IMMP2L: variants seen among roughly 807,000 people sequenced by gnomAD.
IMMP2L encodes inner mitochondrial membrane peptidase subunit 2.
IMMP2L carries 18 observed loss-of-function variants against 19.3 expected under a neutral mutation model. That is an observed-to-expected ratio of 0.93 (90% confidence interval 0.64 to 1.38). The LOEUF (loss-of-function observed/expected upper bound fraction) is 1.38, where lower values mean the gene tolerates loss of function less well. Among genes scored for constraint, IMMP2L ranks in the 40% most tolerant of loss-of-function variants. IMMP2L has a pLI of 0.00. For synonymous variants in IMMP2L, 76 were observed against 73.0 expected (o/e 1.04, Z -0.21); for missense variants, 233 against 218.2 (o/e 1.07, Z -0.43).
chr7:110,968,502 C>A (rs1379528670), intron 3 of IMMP2L, among the ~76,000 whole-genome samples: 1 of 151,880 alleles, frequency 6.6e-6, no homozygotes. Context: ...GGTGAAACCC[C>A]GTCTCTACAA....
chr7:110,950,583 C>A (rs776962290), intron 4 of IMMP2L, among the ~76,000 whole-genome samples: 3 of 151,322 alleles, frequency 2.0e-5, no homozygotes, highest in Non-Finnish European at 4.4e-5. Flanking sequence ...GGATATATAT[C>A]CAAAAAAATT....
intron 4 of IMMP2L, among the ~76,000 whole-genome samples, chr7:110,887,830 G>A (rs1445349287): frequency 6.6e-6 from 1 of 151,642 alleles, no homozygotes; most frequent in African/African-American, 2.4e-5. Context: ...CTGAATGAAG[G>A]AATGAATAAA....
intron 5 of IMMP2L, among the ~76,000 whole-genome samples, chr7:110,684,177 G>A (rs1323461045): frequency 6.6e-6 from 1 of 152,090 alleles, no homozygotes; most frequent in Non-Finnish European, 1.5e-5. Context: ...CCATAAACCA[G>A]AAGAAATTCC....
At chr7:111,138,329 G>T (rs1802542751) in intron 3 of IMMP2L, among the ~76,000 whole-genome samples, 1 of 152,046 alleles carries the variant, frequency 6.6e-6, no homozygotes, top group African/African-American at 2.4e-5. Context: ...GCAAAACTAG[G>T]GTGACAGCTC....
rs978452780 is a variant in IMMP2L, at chr7:111,369,441, T to G, written c.239+117797A>C. Among the ~76,000 whole-genome samples, 3 of 151,938 alleles carry G rather than the reference T, an allele frequency of 2.0e-5. No individual in the cohort carries two copies. The Admixed American group carries it at 2.0e-4, about 10-fold the overall frequency. On this transcript the variant is annotated intron_variant, in intron 3 of 5. Coordinates refer to ENST00000405709, the MANE Select transcript of IMMP2L (RefSeq NM_032549.4). The stretch of plus-strand genomic sequence containing the variant: ...CATAATAGTACTAGGATTTCAATTT[T>G]CATGAAAGGGCTAAAATTACTCGTG...
intron 3 of IMMP2L, among the ~76,000 whole-genome samples, chr7:111,088,460 T>G (rs767299308): frequency 2.7e-4 from 40 of 147,432 alleles, no homozygotes; most frequent in Non-Finnish European, 5.0e-4. Context: ...TAAAAAAAAA[T>G]GAAGGGAGAG....
In IMMP2L at chr7:111,383,032, C is replaced by CA. The variant is rs374675188; in HGVS notation, c.239+104205dup. 1.7e-3 allele frequency among the ~76,000 whole-genome samples: 251 copies of CA among 152,040 alleles called. 1 individual carries two copies. The highest frequency in any genetic ancestry group is 5.7e-3 in the African/African-American group (237 of 41,486). On this transcript the variant is annotated intron_variant, in intron 3 of 5. Coordinates refer to ENST00000405709, the MANE Select transcript of IMMP2L (RefSeq NM_032549.4). The stretch of plus-strand genomic sequence containing the variant: ...GGCCAGTCATCTATACTCTACTACA[C>CA]AAAAAATAAACCTGTGAGAAATGAT...
At chr7:110,903,674 G>C (rs1563068972) in intron 4 of IMMP2L, among the ~76,000 whole-genome samples, 1 of 151,954 alleles carries the variant, frequency 6.6e-6, no homozygotes, top group Non-Finnish European at 1.5e-5. Context: ...CATCTGGGTT[G>C]TTTCTATATG....
At chr7:111,126,137 T>C (rs937758525) in intron 3 of IMMP2L, among the ~76,000 whole-genome samples, 2 of 152,116 alleles carry the variant, frequency 1.3e-5, no homozygotes, top group African/African-American at 4.8e-5. Context: ...CTGCTTGCTT[T>C]GCAGAAACTA....
intron 2 of IMMP2L, among the ~76,000 whole-genome samples, chr7:111,503,485 C>T (rs1360443180): frequency 5.9e-5 from 9 of 152,064 alleles, no homozygotes; most frequent in Admixed American, 1.3e-4. Flanking sequence ...CCAGCATCAT[C>T]CTGATACCAA....
chr7:111,522,595 T>A (rs889336045), intron 1 of IMMP2L, among the ~76,000 whole-genome samples: 1 of 151,940 alleles, frequency 6.6e-6, no homozygotes, highest in African/African-American at 2.4e-5. Context: ...ACCACATGGA[T>A]ATCATTCCAC....
intron 4 of IMMP2L, among the ~76,000 whole-genome samples, chr7:110,961,544 G>A (rs960496584): frequency 6.6e-6 from 1 of 151,122 alleles, no homozygotes; most frequent in Non-Finnish European, 1.5e-5. Context: ...GATACAGAGG[G>A]CCAACTGTAT....
intron 3 of IMMP2L, among the ~76,000 whole-genome samples, chr7:111,253,546 TAA>T (rs1448280579): frequency 3.9e-5 from 6 of 152,100 alleles, no homozygotes; most frequent in East Asian, 1.9e-4. Context: ...TGCCAGAAAA[TAA>T]AAGTCTTGAG....
At chr7:111,201,251 C>T (rs1810072512) in intron 3 of IMMP2L, among the ~76,000 whole-genome samples, 1 of 150,422 alleles carries the variant, frequency 6.6e-6, no homozygotes, top group African/African-American at 2.5e-5. Flanking sequence ...GATGTGTTAT[C>T]ACCAACCAAC....
chr7:110,879,793 CTCTT>C (rs1366604328), intron 5 of IMMP2L, among the ~76,000 whole-genome samples: 2 of 152,104 alleles, frequency 1.3e-5, no homozygotes, highest in Non-Finnish European at 2.9e-5. Flanking sequence ...TCTTTTATTT[CTCTT>C]TCTTGACTTA....
chr7:110,739,880 A>G (rs114163677), intron 5 of IMMP2L, among the ~76,000 whole-genome samples: 25,525 of 152,092 alleles, frequency 0.17, 2,384 homozygotes, highest in South Asian at 0.32. Flanking sequence ...ACCACAGTGG[A>G]ATAACATTGG....
chr7:110,696,272 G>T (rs1388626818), intron 5 of IMMP2L, among the ~76,000 whole-genome samples: 1 of 152,150 alleles, frequency 6.6e-6, no homozygotes, highest in Non-Finnish European at 1.5e-5. Flanking sequence ...AGGTTTCTAA[G>T]TAGTGAGTGA....
At chr7:111,320,110 A>G (rs1824527234) in intron 3 of IMMP2L, among the ~76,000 whole-genome samples, 1 of 152,068 alleles carries the variant, frequency 6.6e-6, no homozygotes, top group Non-Finnish European at 1.5e-5. Flanking sequence ...CCCAGCCATA[A>G]GTCAAGTGAG....
rs1471092674 is a variant in IMMP2L at position 111,243,301 on chromosome 7, T to A, written c.239+243937A>T. 2.0e-5 allele frequency among the ~76,000 whole-genome samples: 3 copies of A among 152,016 alleles called. No homozygotes were observed. The East Asian group carries it at 5.8e-4, about 29-fold the overall frequency. ...TAAATACTAATTCTCTATCTAAAAC[T>A]CTTGTAGAATTAAAAACTATGACAT... On this transcript the variant is annotated intron_variant, in intron 3 of 5. Transcript: ENST00000405709.
Sources: gnomAD v4.1 joint callset for allele counts (sites outside exome capture counted in the v4.1 genomes callset) on GRCh38, gnomAD v4.1.1 for gene constraint, MANE v1.5 for transcripts, NCBI Gene and HGNC (gene_info 2026-07-23, HGNC 2026-07-21) for gene names.